The following WDR4 variants were observed in gnomAD, a reference collection of about 807,000 sequenced individuals.
WDR4 encodes the protein WDR4 tRNA N7-guanosine methyltransferase non-catalytic subunit.
Under a neutral mutation model 48.6 loss-of-function variants are expected in WDR4, and 47 were observed. The observed-to-expected ratio is 0.97, with a 90% CI of 0.77 to 1.23. WDR4 has a LOEUF of 1.23. WDR4 is among the 50% of genes most tolerant of loss of function. The probability of loss-of-function intolerance (pLI) is 0.00; values close to 1 mark genes in which losing one functional copy is unlikely to be tolerated. For missense variants in WDR4, 606 were observed against 551.6 expected, an observed-to-expected ratio of 1.10 and a Z score of -0.99; for synonymous variants, 268 against 230.0, an observed-to-expected ratio of 1.17 and a Z score of -1.49.
At chr21:42,878,075 TTC>T (rs1469275405) in intron 1 of WDR4, among the ~76,000 whole-genome samples, 1 of 151,774 alleles carries the variant, frequency 6.6e-6, no homozygotes, top group East Asian at 1.9e-4. Context: ...AGAAATTATG[TTC>T]TGATACTGTT....
chr21:42,891,887 G>A, the WDR4 span, among the ~76,000 whole-genome samples: 1 of 151,586 alleles, frequency 6.6e-6, no homozygotes, highest in Non-Finnish European at 1.5e-5. Flanking sequence ...AACCTAGGAA[G>A]TGGAGCTTGC....
chr21:42,873,033 CAG>C (rs1364090420), intron 3 of WDR4, among the ~76,000 whole-genome samples: 1 of 152,206 alleles, frequency 6.6e-6, no homozygotes, highest in Non-Finnish European at 1.5e-5. Flanking sequence ...CCGTTCTTGC[CAG>C]AGTTACTGGC....
At chr21:42,848,391 G>A (rs1389612470), downstream of WDR4, among the ~76,000 whole-genome samples, 1 of 146,228 alleles carries the variant, frequency 6.8e-6, no homozygotes. Context: ...CACTCACACA[G>A]CACACGATCA....
At chr21:42,863,291 G>C in intron 4 of WDR4, 149 bp downstream of exon 4, 1 of 959,536 alleles carries the variant, frequency 1.0e-6, no homozygotes, top group South Asian at 1.9e-5. Context: ...CACATACCAT[G>C]TCCCCCACGT....
intron 10 of WDR4, among the ~76,000 whole-genome samples, chr21:42,851,053 C>A (rs1399359192): frequency 6.6e-6 from 1 of 152,236 alleles, no homozygotes; most frequent in African/African-American, 2.4e-5. Context: ...TCTCCCAACG[C>A]AGGCCCCCAA....
intron 1 of WDR4, 151 bp downstream of exon 1, chr21:42,879,256 G>C: frequency 7.3e-7 from 1 of 1,368,888 alleles, no homozygotes; most frequent in East Asian, 2.9e-5. Flanking sequence ...GCCAGGCCGA[G>C]ACTGCGGCGG....
At chr21:42,851,798 T>G (rs2057835891) in intron 10 of WDR4, among the ~76,000 whole-genome samples, 2 of 152,164 alleles carry the variant, frequency 1.3e-5, no homozygotes, top group South Asian at 4.1e-4. Flanking sequence ...ATCCTGCCCC[T>G]GCTCAGCCTC....
chr21:42,890,531 G>T, the WDR4 span, among the ~76,000 whole-genome samples: 3 of 152,154 alleles, frequency 2.0e-5, no homozygotes, highest in Non-Finnish European at 4.4e-5. Context: ...GCGAGACTCC[G>T]TCTCAAAAAA....
intron 2 of WDR4, among the ~76,000 whole-genome samples, chr21:42,875,271 C>A (rs1034733477): frequency 6.6e-6 from 1 of 151,960 alleles, no homozygotes; most frequent in Admixed American, 6.6e-5. Context: ...AATTAGGCAG[C>A]CCTGGCGCGG....
At chr21:42,870,066 TG>T (rs1048451818) in intron 3 of WDR4, among the ~76,000 whole-genome samples, 1 of 150,664 alleles carries the variant, frequency 6.6e-6, no homozygotes, top group African/African-American at 2.4e-5. Context: ...AGAAAACTGC[TG>T]TAGCTGGGCT....
chr21:42,852,390 C>T, intron 9 of WDR4, 66 bp from the exon 10 acceptor site: 1 of 1,555,550 alleles, frequency 6.4e-7, no homozygotes, highest in Non-Finnish European at 8.8e-7. Flanking sequence ...CACCAGGACG[C>T]AACACATGCT....
At chr21:42,847,892 T>C (rs530478473), downstream of WDR4, among the ~76,000 whole-genome samples, 19 of 152,140 alleles carry the variant, frequency 1.2e-4, no homozygotes, top group Non-Finnish European at 2.8e-4. Flanking sequence ...ACCAAGACTT[T>C]CAAAGCAGAC....
At chr21:42,865,020 A>G (rs1189792502) in intron 3 of WDR4, among the ~76,000 whole-genome samples, 1 of 152,144 alleles carries the variant, frequency 6.6e-6, no homozygotes, top group South Asian at 2.1e-4. Context: ...TTGAGATGGA[A>G]GCTTCAGGAA....
intron 3 of WDR4, among the ~76,000 whole-genome samples, chr21:42,868,268 G>A (rs900480347): frequency 6.6e-6 from 1 of 152,194 alleles, no homozygotes; most frequent in African/African-American, 2.4e-5. Flanking sequence ...CAGCGGGCAG[G>A]CAGACTGGAC....
intron 3 of WDR4, among the ~76,000 whole-genome samples, chr21:42,865,712 A>G (rs557219617): frequency 6.6e-6 from 1 of 151,452 alleles, no homozygotes; most frequent in East Asian, 1.9e-4. Flanking sequence ...CTGAGGCACA[A>G]CCCCGCCCGC....
the WDR4 span, among the ~76,000 whole-genome samples, chr21:42,891,289 C>T: frequency 2.0e-5 from 3 of 150,934 alleles, no homozygotes; most frequent in Non-Finnish European, 2.9e-5. Context: ...CCCTGCGCCA[C>T]TGCACTCTAG....
upstream of WDR4, among the ~76,000 whole-genome samples, chr21:42,880,436 G>A (rs949692157): frequency 1.3e-5 from 2 of 152,178 alleles, no homozygotes; most frequent in East Asian, 3.9e-4. Flanking sequence ...AAACTAAAAA[G>A]ATTAATTTTC....
intron 8 of WDR4, 105 bp downstream of exon 8, chr21:42,854,457 G>A (rs777836665): frequency 1.5e-4 from 173 of 1,181,320 alleles, no homozygotes; most frequent in African/African-American, 2.8e-4. Flanking sequence ...TACCACCACC[G>A]TTCAGGACCT....
upstream of WDR4, among the ~76,000 whole-genome samples, chr21:42,882,081 G>GTGATCCA (rs1418164558): frequency 6.6e-6 from 1 of 151,856 alleles, no homozygotes; most frequent in African/African-American, 2.4e-5. Flanking sequence ...GATTACAGGC[G>GTGATCCA]TGATCCATGA....
Sources: gnomAD v4.1 joint callset for allele counts (sites outside exome capture counted in the v4.1 genomes callset) on GRCh38, gnomAD v4.1.1 for gene constraint, MANE v1.5 for transcripts, NCBI Gene and HGNC (gene_info 2026-07-23, HGNC 2026-07-21) for gene names.